Variants in NLGN1 observed in about 807,000 individuals in gnomAD.
The protein encoded by NLGN1 is neuroligin 1, also known as neuroligin-1.
Under a neutral mutation model 65.5 loss-of-function variants are expected in NLGN1, and 12 were observed. The ratio of observed to expected loss-of-function variants is 0.18; its 90% CI spans 0.12 to 0.30. The LOEUF is 0.30. NLGN1 is among the 10% of genes least tolerant of loss of function. The pLI is 1.00. For synonymous variants in NLGN1, 350 were observed against 359.5 expected (o/e 0.97, Z 0.30); for missense variants, 750 against 1,007.1 (o/e 0.74, Z 3.46).
intron 4 of NLGN1, among the ~76,000 whole-genome samples, chr3:174,181,778 T>TACACACACACAC (rs3035853): frequency 0.053 from 7,553 of 142,550 alleles, 249 homozygotes; most frequent in Admixed American, 0.089. Context: ...AAAATAAAAA[T>TACACACACACAC]ACACACACAC....
chr3:173,832,197 C>G (rs956535333), intron 4 of NLGN1, among the ~76,000 whole-genome samples: 1 of 151,840 alleles, frequency 6.6e-6, no homozygotes, highest in Non-Finnish European at 1.5e-5. Flanking sequence ...CTCCTGGGCT[C>G]AAGCAGTTCT....
At chr3:173,661,387 C>T (rs1760902325) in intron 3 of NLGN1, among the ~76,000 whole-genome samples, 1 of 151,902 alleles carries the variant, frequency 6.6e-6, no homozygotes, top group Non-Finnish European at 1.5e-5. Flanking sequence ...TTCCATGGCT[C>T]ATAGGTGGGA....
intron 2 of NLGN1, among the ~76,000 whole-genome samples, chr3:173,474,169 C>T (rs989562125): frequency 1.3e-5 from 2 of 152,010 alleles, no homozygotes; most frequent in African/African-American, 2.4e-5. Flanking sequence ...TCTTTCTCTT[C>T]CTCCTCTTGC....
intron 4 of NLGN1, among the ~76,000 whole-genome samples, chr3:174,019,073 A>G (rs1180631321): frequency 2.0e-5 from 3 of 152,144 alleles, no homozygotes; most frequent in South Asian, 2.1e-4. Context: ...TCAGGTATTC[A>G]ATGCCACCAA....
intron 4 of NLGN1, among the ~76,000 whole-genome samples, chr3:173,941,613 C>A (rs1746106885): frequency 2.0e-5 from 3 of 151,810 alleles, no homozygotes; most frequent in South Asian, 4.2e-4. Flanking sequence ...AAAGCAAAGA[C>A]TTTTGAGGGC....
Position 173,941,125 on chromosome 3 carries a change from A to C in NLGN1, c.646+133293A>C, listed in dbSNP as rs532709934. 2.0e-5 allele frequency among the ~76,000 whole-genome samples: 3 copies of C among 152,280 alleles called. No homozygotes were observed. In the South Asian group the frequency reaches 6.2e-4, roughly 32 times the overall value. ...TGTAAACTCTTTGAGAGTGAATGTC[A>C]ATATCTACATGCCAGATAGTTTTGC... On this transcript the variant is annotated intron_variant, in intron 4 of 6. Transcript: ENST00000457714.
At chr3:173,396,854 T>G (rs755504662), upstream of NLGN1, among the ~76,000 whole-genome samples, 1 of 152,022 alleles carries the variant, frequency 6.6e-6, no homozygotes, top group African/African-American at 2.4e-5. Flanking sequence ...TCCAATCCCA[T>G]TGGGGTGGGG....
intron 4 of NLGN1, among the ~76,000 whole-genome samples, chr3:173,968,581 A>G (rs979942841): frequency 1.3e-4 from 19 of 151,914 alleles, no homozygotes; most frequent in Admixed American, 3.9e-4. Context: ...TAGCAAGAAT[A>G]TATATAATGA....
chr3:173,881,030 C>T (rs1015712126), intron 4 of NLGN1, among the ~76,000 whole-genome samples: 3 of 151,626 alleles, frequency 2.0e-5, no homozygotes, highest in African/African-American at 7.3e-5. Flanking sequence ...AGCAACTTCT[C>T]ATCACTTGAA....
At chr3:173,806,682 C>G (rs1421229769) in intron 3 of NLGN1, among the ~76,000 whole-genome samples, 2 of 151,992 alleles carry the variant, frequency 1.3e-5, no homozygotes, top group Non-Finnish European at 2.9e-5. Context: ...CACAGTTAGG[C>G]TTATCTACAG....
intron 1 of NLGN1, among the ~76,000 whole-genome samples, chr3:173,406,866 C>T (rs1189547052): frequency 6.6e-6 from 1 of 152,174 alleles, no homozygotes; most frequent in African/African-American, 2.4e-5. Context: ...TTCTCACCTA[C>T]CTGCTTTGCT....
intron 4 of NLGN1, among the ~76,000 whole-genome samples, chr3:174,171,642 T>C (rs1232718241): frequency 6.6e-6 from 1 of 152,194 alleles, no homozygotes; most frequent in East Asian, 1.9e-4. Context: ...TTCATAAGCA[T>C]TTTTACAGAG....
chr3:174,095,556 G>A lies in NLGN1; in HGVS notation c.647-179759G>A, dbSNP rs147754181. Among the ~76,000 whole-genome samples, 385 of 151,250 alleles carry A rather than the reference G, an allele frequency of 2.5e-3. 1 individual carries two copies. Among genetic ancestry groups the A allele is most frequent in the African/African-American group, 6.2e-3 (256 of 41,182 alleles). On this transcript the variant is annotated intron_variant, in intron 4 of 6. Transcript: ENST00000457714. ...ATCTATATATATATATATAAAACGT[G>A]TGTATGTATGTATGTATATGTACAT...
chr3:174,283,616 A>AAAGAT (rs1212870105), exon 7 of NLGN1: 1 of 151,508 alleles, frequency 6.6e-6, no homozygotes. Context: ...ACTGACACTA[A>AAAGAT]AAGATAAAAA....
At chr3:173,669,915 A>G (rs778976914) in intron 3 of NLGN1, among the ~76,000 whole-genome samples, 2 of 152,218 alleles carry the variant, frequency 1.3e-5, no homozygotes, top group Non-Finnish European at 2.9e-5. Flanking sequence ...TAAAACTATT[A>G]TGTGATGTAA....
intron 3 of NLGN1, among the ~76,000 whole-genome samples, chr3:173,720,122 T>G (rs527771864): frequency 1.3e-4 from 20 of 151,516 alleles, no homozygotes; most frequent in African/African-American, 4.6e-4. Context: ...TCTAAAAAAA[T>G]AAAAAAAAGA....
intron 3 of NLGN1, among the ~76,000 whole-genome samples, chr3:173,802,802 A>G (rs1441811396): frequency 6.6e-6 from 1 of 151,984 alleles, no homozygotes; most frequent in East Asian, 1.9e-4. Context: ...GCCACTGGCC[A>G]TATTCCTGGG....
intron 2 of NLGN1, among the ~76,000 whole-genome samples, chr3:173,501,635 G>A (rs552838923): frequency 1.7e-4 from 26 of 150,406 alleles, no homozygotes; most frequent in South Asian, 1.7e-3. Context: ...ATGTGAAGTG[G>A]CAGATAATTA....
chr3:173,528,291 C>T (rs1166550917), intron 2 of NLGN1, among the ~76,000 whole-genome samples: 1 of 152,166 alleles, frequency 6.6e-6, no homozygotes, highest in Admixed American at 6.5e-5. Context: ...GTCTCAATGT[C>T]TTCTGGCTGA....
Sources: gnomAD v4.1 joint callset for allele counts (sites outside exome capture counted in the v4.1 genomes callset) on GRCh38, gnomAD v4.1.1 for gene constraint, MANE v1.5 for transcripts, NCBI Gene and HGNC (gene_info 2026-07-23, HGNC 2026-07-21) for gene names.